YLPM1: variants seen among roughly 807,000 people sequenced by gnomAD.
The protein encoded by YLPM1 is YLP motif containing 1.
In YLPM1, 99 loss-of-function variants were observed where a neutral mutation model predicts 230.0. The ratio of observed to expected loss-of-function variants is 0.43; its 90% CI spans 0.37 to 0.51. The LOEUF is 0.51. Ranked by LOEUF, YLPM1 falls within the 20% of genes least tolerant of loss-of-function variation. The pLI is 0.00. For synonymous variants in YLPM1, 984 were observed against 942.5 expected (o/e 1.04, Z -0.81); for missense variants, 2,592 against 2,707.7 (o/e 0.96, Z 0.95).
At chr14:74,767,998 C>G (rs2090930095) in intron 1 of YLPM1, among the ~76,000 whole-genome samples, 1 of 152,116 alleles carries the variant, frequency 6.6e-6, no homozygotes, top group African/African-American at 2.4e-5. Flanking sequence ...TTTCAGTCTA[C>G]TGGTTCATCA....
At chr14:74,772,136 G>A (rs1429291894) in intron 1 of YLPM1, among the ~76,000 whole-genome samples, 1 of 151,800 alleles carries the variant, frequency 6.6e-6, no homozygotes, top group Non-Finnish European at 1.5e-5. Flanking sequence ...TTCTCCACTT[G>A]GAAAATCATT....
At chr14:74,801,938 C>T (rs552607665) in intron 5 of YLPM1, among the ~76,000 whole-genome samples, 5 of 152,224 alleles carry the variant, frequency 3.3e-5, no homozygotes, top group Admixed American at 2.0e-4. Flanking sequence ...AAAAATAGGC[C>T]GGGCGTGGTG....
At chr14:74,770,478 A>G (rs1833706582) in intron 1 of YLPM1, among the ~76,000 whole-genome samples, 1 of 152,002 alleles carries the variant, frequency 6.6e-6, no homozygotes, top group Non-Finnish European at 1.5e-5. Context: ...ACAAAAAATT[A>G]GCTGGGTGTG....
chr14:74,818,296 A>T lies in YLPM1; in HGVS notation c.6012A>T (p.Gln2004His). The T allele has an allele frequency of 6.2e-7, 1 of 1,602,536 alleles. No individual in the cohort carries two copies. Among genetic ancestry groups the T allele is most frequent in the Non-Finnish European group, 8.5e-7 (1 of 1,174,534 alleles). The change falls in exon 16 of 21, where the codon CAA (glutamine) becomes CAT (histidine). Residue 2004 changes from glutamine (Q) to histidine (H), a missense_variant. This residue lies in a region of YLPM1 where 315 missense variants were observed against 429.3 expected (regional missense o/e 0.73). Coordinates refer to ENST00000325680, the MANE Select transcript of YLPM1 (RefSeq NM_019589.3). The part of the protein sequence containing the change: ...MMRLDIRSLL[Q>H]DAAIEEVEME... The stretch of plus-strand genomic sequence containing the variant: ...GTCTAGATATTCGTTCTTTGCTGCA[A>T]GATGCTGCTATTGAAGAGGTGAGTA...
At position 74,835,273 on chromosome 14, in the gene YLPM1, G is replaced by A; in HGVS notation, c.6303G>A (p.Trp2101Ter). 6.2e-7 allele frequency: 1 copy of A among 1,613,490 alleles called. No homozygotes were observed. The highest frequency in any genetic ancestry group is 8.5e-7 in the Non-Finnish European group (1 of 1,179,640). The change falls in exon 20 of 21, where the codon TGG becomes TGA. Residue 2101 changes from tryptophan to a stop codon, truncating the protein, a stop_gained. Coordinates refer to ENST00000325680, the MANE Select transcript of YLPM1 (RefSeq NM_019589.3). LOFTEE classifies it high-confidence loss of function. ...ASEPGKKRVR[W>*]ADLEEKKDAD... Reference sequence around the variant, plus strand: ...TGCTATGTTCTTTTTAGGTCAGATGGGCAGACCTGGAAGAGAAGAAGGATG... The same window carrying A: ...TGCTATGTTCTTTTTAGGTCAGATGAGCAGACCTGGAAGAGAAGAAGGATG...
At chr14:74,812,434 A>G (rs1308263482) in intron 10 of YLPM1, among the ~76,000 whole-genome samples, 194 bp from the exon 11 acceptor site, 1 of 152,258 alleles carries the variant, frequency 6.6e-6, no homozygotes, top group African/African-American at 2.4e-5. Flanking sequence ...GCCTGAAATC[A>G]TACTTAAATC....
chr14:74,797,896 G>A lies in YLPM1; in HGVS notation c.2599G>A (p.Ala867Thr), dbSNP rs1216520373. Residue 867 changes from alanine (A) to threonine (T), a missense_variant, in exon 5 of 21, where the codon GCA becomes ACA. Physicochemically the swap from Ala to Thr is moderately conservative, Grantham distance 58. Around this residue, in one of 4 missense-constraint regions of YLPM1, gnomAD observed 1,862 missense variants for 1,819.8 expected, o/e 1.02. Transcript: ENST00000325680. ...EPLSGNKEPL[A>T]DTSSNQQKNF... Reference sequence around the variant, plus strand: ...TCTTTCAGGAAACAAAGAACCATTAGCAGACACCAGTAGTAACCAGCAGAA... The same window carrying A: ...TCTTTCAGGAAACAAAGAACCATTAACAGACACCAGTAGTAACCAGCAGAA... 1.9e-6 allele frequency: 3 copies of A among 1,613,930 alleles called. No individual in the cohort carries two copies. Among genetic ancestry groups the A allele is most frequent in the South Asian group, 2.2e-5 (2 of 91,082 alleles).
At chr14:74,774,917 CAA>C in intron 1 of YLPM1, among the ~76,000 whole-genome samples, 1 of 152,256 alleles carries the variant, frequency 6.6e-6, no homozygotes, top group Admixed American at 6.5e-5. Flanking sequence ...TCCAGCATCA[CAA>C]GAGAGTATCA....
chr14:74,825,624 ACT>A (rs1254344337), intron 18 of YLPM1, among the ~76,000 whole-genome samples: 1 of 151,984 alleles, frequency 6.6e-6, no homozygotes, highest in Non-Finnish European at 1.5e-5. Flanking sequence ...CGTTAGATTA[ACT>A]CTCTGTGAAG....
Position 74,782,291 on chromosome 14 carries a change from A to G in YLPM1, c.2248A>G (p.Arg750Gly), listed in dbSNP as rs769633484. ...RSGGLLPDPP[R>G]SSYLESPRGP... The stretch of plus-strand genomic sequence containing the variant: ...AGGTGGCCTGCTTCCAGATCCTCCT[A>G]GAAGTAGTTACTTGGAAAGTCCAAG... Residue 750 changes from arginine (R) to glycine (G), a missense_variant, in exon 4 of 21, where the codon AGA becomes GGA. Physicochemically the swap from Arg to Gly is moderately radical, Grantham distance 125. Around this residue, in one of 4 missense-constraint regions of YLPM1, gnomAD observed 1,862 missense variants for 1,819.8 expected, o/e 1.02. Transcript: ENST00000325680. The G allele has an allele frequency of 1.8e-5, 27 of 1,538,904 alleles. No individual in the cohort carries two copies. The highest frequency in any genetic ancestry group is 2.2e-5 in the Non-Finnish European group (25 of 1,154,612).
intron 18 of YLPM1, among the ~76,000 whole-genome samples, chr14:74,828,288 CTAA>C (rs1033349256): frequency 6.6e-6 from 1 of 152,090 alleles, no homozygotes; most frequent in Non-Finnish European, 1.5e-5. Flanking sequence ...ATTGGCCTGC[CTAA>C]TACTAGTGTG....
chr14:74,793,461 A>T (rs560240824), intron 4 of YLPM1, among the ~76,000 whole-genome samples: 2 of 151,872 alleles, frequency 1.3e-5, no homozygotes, highest in African/African-American at 4.8e-5. Flanking sequence ...GATCTTTTTT[A>T]TAAATAGCAC....
chr14:74,806,143 G>A (rs1053810374), intron 6 of YLPM1, among the ~76,000 whole-genome samples: 1 of 151,514 alleles, frequency 6.6e-6, no homozygotes, highest in African/African-American at 2.4e-5. Context: ...GATCACAAGA[G>A]GTCAGGAGTT....
intron 16 of YLPM1, among the ~76,000 whole-genome samples, chr14:74,818,555 G>A (rs1044530561): frequency 6.6e-6 from 1 of 152,130 alleles, no homozygotes; most frequent in Admixed American, 6.5e-5. Flanking sequence ...TGAGAGTTAA[G>A]TTGCAGATCT....
intron 15 of YLPM1, among the ~76,000 whole-genome samples, chr14:74,817,713 T>C (rs1305266979): frequency 6.6e-6 from 1 of 152,194 alleles, no homozygotes; most frequent in East Asian, 1.9e-4. Flanking sequence ...CTATCTGCTT[T>C]AGTAAATGTT....
chr14:74,773,852 C>T (rs909476362), intron 1 of YLPM1, among the ~76,000 whole-genome samples: 33 of 150,944 alleles, frequency 2.2e-4, no homozygotes, highest in Admixed American at 1.9e-3. Flanking sequence ...TCCGGAGTAG[C>T]TGAGATTATA....
At chr14:74,781,139 A>G (rs1051861027) in intron 3 of YLPM1, among the ~76,000 whole-genome samples, 195 bp from the exon 4 acceptor site, 2 of 152,194 alleles carry the variant, frequency 1.3e-5, no homozygotes, top group Non-Finnish European at 2.9e-5. Flanking sequence ...ACTCTGTAGT[A>G]AGTTGTCTAA....
In YLPM1 at chr14:74,816,105, T is replaced by C. The variant is rs374386297; in HGVS notation, c.5503-98T>C. 3.4e-4 allele frequency: 370 copies of C among 1,098,794 alleles called. 1 individual carries two copies. The highest frequency in any genetic ancestry group is 1.4e-3 in the Middle Eastern group (6 of 4,434). The allele number at this position is 1,098,794 out of a possible 1,614,324, so 68.1% of individuals were successfully genotyped here. A position where few individuals can be genotyped will look rare whatever the true frequency, so the allele number is the denominator to read the frequency against. On this transcript the variant is annotated intron_variant, in intron 11 of 20. Coordinates refer to ENST00000325680, the MANE Select transcript of YLPM1 (RefSeq NM_019589.3). ...GTTTGTTTCATGGCCTGTTGTATAG[T>C]CTATCCTGGAAAATGGTAGGTCATT... is the stretch of plus-strand genomic sequence containing the variant.
chr14:74,804,111 C>T (rs992754697), intron 6 of YLPM1, among the ~76,000 whole-genome samples: 9 of 152,168 alleles, frequency 5.9e-5, no homozygotes, highest in Non-Finnish European at 2.9e-5. Context: ...GAGCCGACAT[C>T]GCGCCATTGC....
Sources: gnomAD v4.1 joint callset for allele counts (sites outside exome capture counted in the v4.1 genomes callset) on GRCh38, gnomAD v4.1.1 for gene constraint, gnomAD v4.1.1 regional missense constraint, MANE v1.5 for transcripts, NCBI Gene and HGNC (gene_info 2026-07-23, HGNC 2026-07-21) for gene names.